The following TCERG1L variants were observed in gnomAD, a reference collection of about 807,000 sequenced individuals.
The protein encoded by TCERG1L is transcription elongation regulator 1 like.
TCERG1L carries 37 observed loss-of-function variants against 56.3 expected under a neutral mutation model. That is an observed-to-expected ratio of 0.66 (90% confidence interval 0.51 to 0.87). The LOEUF (loss-of-function observed/expected upper bound fraction) is 0.87. Among genes scored for constraint, TCERG1L ranks in the 40% least tolerant of loss-of-function variants. The pLI, the probability that TCERG1L is intolerant of heterozygous loss-of-function variation, is 0.00. For synonymous variants in TCERG1L, 324 were observed against 326.3 expected (o/e 0.99, Z 0.08); for missense variants, 799 against 774.2 (o/e 1.03, Z -0.38).
intron 4 of TCERG1L, among the ~76,000 whole-genome samples, chr10:131,177,886 C>T (rs970638664): frequency 1.3e-5 from 2 of 150,982 alleles, no homozygotes; most frequent in East Asian, 1.9e-4. Flanking sequence ...TCTCGCATGA[C>T]GCTCGCACTG....
intron 10 of TCERG1L, among the ~76,000 whole-genome samples, chr10:131,101,360 T>C (rs1036746715): frequency 3.9e-5 from 6 of 152,196 alleles, no homozygotes; most frequent in South Asian, 2.1e-4. Context: ...ACGAGAATAT[T>C]TGGAAGGGGC....
intron 4 of TCERG1L, among the ~76,000 whole-genome samples, chr10:131,187,386 G>T (rs537618838): frequency 3.0e-4 from 46 of 152,336 alleles, no homozygotes; most frequent in African/African-American, 1.0e-3. Context: ...TTGCCCTCCA[G>T]ACTCTCCAGT....
chr10:131,185,691 C>T (rs983925333), intron 4 of TCERG1L, among the ~76,000 whole-genome samples: 1 of 151,988 alleles, frequency 6.6e-6, no homozygotes, highest in African/African-American at 2.4e-5. Flanking sequence ...ACAGAGAACA[C>T]ATTAAACTCA....
rs562032810 is a variant in TCERG1L at position 131,185,479 on chromosome 10, T to C, written c.857-18594A>G. ...AATGGGAGAAAATATTTGCAAATTA[T>C]GTATCTGATAAAGGCCTGGTCTGGT... On this transcript the variant is annotated intron_variant, in intron 4 of 11. Transcript: ENST00000368642. Among the ~76,000 whole-genome samples, 15 of 152,322 alleles carry C rather than the reference T, an allele frequency of 9.8e-5. No individual in the cohort carries two copies. In the South Asian group the frequency reaches 3.1e-3, roughly 32 times the overall value.
At chr10:131,182,043 T>C (rs1845184841) in intron 4 of TCERG1L, among the ~76,000 whole-genome samples, 1 of 151,986 alleles carries the variant, frequency 6.6e-6, no homozygotes. Flanking sequence ...ACTCTGTGCA[T>C]GTGTGTGTGT....
chr10:131,276,564 C>T (rs993612210), intron 3 of TCERG1L, among the ~76,000 whole-genome samples: 7 of 152,254 alleles, frequency 4.6e-5, no homozygotes, highest in East Asian at 1.9e-4. Context: ...TTATTCTCAG[C>T]CCATGTCTCT....
intron 4 of TCERG1L, among the ~76,000 whole-genome samples, chr10:131,255,124 G>T (rs1846153803): frequency 6.6e-6 from 1 of 152,216 alleles, no homozygotes; most frequent in Non-Finnish European, 1.5e-5. Context: ...TGAGAAGATA[G>T]TGCTTCCAGC....
At chr10:131,172,585 C>T (rs750705269) in intron 4 of TCERG1L, among the ~76,000 whole-genome samples, 4 of 152,274 alleles carry the variant, frequency 2.6e-5, no homozygotes, top group African/African-American at 4.8e-5. Context: ...ATCCATATCA[C>T]GCGTGCTCCA....
rs879496237 is a variant in TCERG1L at position 131,245,621 on chromosome 10, G to A, written c.856+14638C>T. On this transcript the variant is annotated intron_variant, in intron 4 of 11. Transcript: ENST00000368642. Reference sequence around the variant, plus strand: ...AAACTACGTGTCCTGCCCACAGGCCGCCGCCACATGTGGCTCTCTGGTAAC... The same window carrying A: ...AAACTACGTGTCCTGCCCACAGGCCACCGCCACATGTGGCTCTCTGGTAAC... Among the ~76,000 whole-genome samples the A allele has an allele frequency of 1.8e-4, 28 of 152,294 alleles. 1 individual carries two copies. The highest frequency in any genetic ancestry group is 1.0e-3 in the South Asian group (5 of 4,832).
At chr10:131,301,061 A>G (rs1846757136) in intron 3 of TCERG1L, among the ~76,000 whole-genome samples, 1 of 152,040 alleles carries the variant, frequency 6.6e-6, no homozygotes, top group Non-Finnish European at 1.5e-5. Context: ...CCAGCCTTAC[A>G]TCCCTGCACC....
chr10:131,115,127 G>A (rs574245847), intron 9 of TCERG1L, among the ~76,000 whole-genome samples: 17 of 152,342 alleles, frequency 1.1e-4, no homozygotes, highest in South Asian at 2.1e-4. Flanking sequence ...AGACACTGCC[G>A]CCAGGGCATG....
chr10:131,263,381 T>C (rs1012829602), intron 3 of TCERG1L, among the ~76,000 whole-genome samples: 1 of 152,206 alleles, frequency 6.6e-6, no homozygotes, highest in Non-Finnish European at 1.5e-5. Context: ...AAAAGGCCCC[T>C]CCTGAACTCC....
intron 3 of TCERG1L, among the ~76,000 whole-genome samples, chr10:131,304,877 T>G (rs1256095148): frequency 6.6e-6 from 1 of 152,010 alleles, no homozygotes; most frequent in Non-Finnish European, 1.5e-5. Flanking sequence ...TCCTGGGGAC[T>G]GACTCACCCC....
intron 3 of TCERG1L, among the ~76,000 whole-genome samples, chr10:131,282,478 C>T: frequency 6.6e-6 from 1 of 152,104 alleles, no homozygotes; most frequent in East Asian, 1.9e-4. Flanking sequence ...GTAACCTCAG[C>T]CATAGCACCA....
At chr10:131,184,192 C>A (rs1122111) in intron 4 of TCERG1L, among the ~76,000 whole-genome samples, 3,350 of 152,328 alleles carry the variant, frequency 0.022, 71 homozygotes, top group East Asian at 0.072. Context: ...CATTGTCCTT[C>A]CATGTTTCAA....
chr10:131,218,028 C>T (rs1201813594), intron 4 of TCERG1L, among the ~76,000 whole-genome samples: 1 of 152,110 alleles, frequency 6.6e-6, no homozygotes, highest in Non-Finnish European at 1.5e-5. Flanking sequence ...CCGGCTGTAG[C>T]TGGCTTTTAA....
In TCERG1L at chr10:131,137,447, C is replaced by T. The variant is rs188394612; in HGVS notation, c.1190-2999G>A. Among the ~76,000 whole-genome samples, 520 of 152,320 alleles carry T rather than the reference C, an allele frequency of 3.4e-3. 4 individuals are homozygous for T. Among genetic ancestry groups the T allele is most frequent in the African/African-American group, 0.012 (498 of 41,578 alleles). ...GGCTCTCTCAACTCCCCGGGCCCTC[C>T]GCCTGACTGCCTTTCTGCACCTCGT... On this transcript the variant is annotated intron_variant, in intron 7 of 11. Coordinates refer to ENST00000368642, the MANE Select transcript of TCERG1L (RefSeq NM_174937.4).
intron 3 of TCERG1L, among the ~76,000 whole-genome samples, chr10:131,280,204 G>A (rs569063190): frequency 7.2e-5 from 11 of 152,096 alleles, no homozygotes; most frequent in African/African-American, 2.7e-4. Flanking sequence ...AGAGAGGAAT[G>A]GTTGCATTCT....
At chr10:131,213,294 C>T (rs149882684) in intron 4 of TCERG1L, among the ~76,000 whole-genome samples, 56 of 152,330 alleles carry the variant, frequency 3.7e-4, no homozygotes, top group African/African-American at 1.3e-3. Context: ...CACACCTGCA[C>T]CCAGGCTCAC....
Sources: gnomAD v4.1 joint callset for allele counts (sites outside exome capture counted in the v4.1 genomes callset) on GRCh38, gnomAD v4.1.1 for gene constraint, MANE v1.5 for transcripts, NCBI Gene and HGNC (gene_info 2026-07-23, HGNC 2026-07-21) for gene names.